Variants in CTNND2 observed in about 807,000 individuals in gnomAD.
CTNND2 encodes catenin delta-2.
CTNND2 carries 22 observed loss-of-function variants against 144.4 expected under a neutral mutation model. The observed-to-expected ratio is 0.15, with a 90% CI of 0.11 to 0.22. CTNND2 has a LOEUF of 0.22. CTNND2 is among the 10% of genes least tolerant of loss of function. The pLI is 1.00. For missense variants in CTNND2, 1,353 were observed against 1,618.8 expected (o/e 0.84, Z 2.82); for synonymous variants, 751 against 695.6 (o/e 1.08, Z -1.25).
chr5:11,595,344 A>C (rs1170141585), intron 2 of CTNND2, among the ~76,000 whole-genome samples: 2 of 152,176 alleles, frequency 1.3e-5, no homozygotes, highest in Non-Finnish European at 2.9e-5. Context: ...CAGACTCAAA[A>C]ATAGAACCAT....
intron 15 of CTNND2, among the ~76,000 whole-genome samples, chr5:11,086,892 C>T (rs1411967666): frequency 2.0e-5 from 3 of 152,234 alleles, no homozygotes; most frequent in African/African-American, 7.2e-5. Context: ...AGCTTTTCCT[C>T]ATTGAAATCC....
intron 15 of CTNND2, 127 bp downstream of exon 15, chr5:11,098,448 A>T (rs1022457465): frequency 1.3e-4 from 102 of 809,284 alleles, no homozygotes; most frequent in Admixed American, 1.2e-4. Context: ...GTTCAATATA[A>T]TTTTTTTTTC....
chr5:11,514,360 C>T (rs1561499357), intron 3 of CTNND2, among the ~76,000 whole-genome samples: 1 of 152,104 alleles, frequency 6.6e-6, no homozygotes, highest in South Asian at 2.1e-4. Context: ...TAATGTTCTA[C>T]AAATATTTGC....
At chr5:11,453,443 C>A (rs1466849442) in intron 3 of CTNND2, among the ~76,000 whole-genome samples, 3 of 152,176 alleles carry the variant, frequency 2.0e-5, no homozygotes, top group Admixed American at 2.0e-4. Context: ...GTTATTGAGA[C>A]CTACTCAAAA....
intron 2 of CTNND2, among the ~76,000 whole-genome samples, chr5:11,619,350 T>C (rs145549898): frequency 0.011 from 1,702 of 152,232 alleles, 13 homozygotes; most frequent in East Asian, 0.027. Flanking sequence ...AGAGGTTGCA[T>C]TGAGCTGAGA....
chr5:11,770,919 C>T (rs1391431723), intron 1 of CTNND2, among the ~76,000 whole-genome samples: 1 of 152,100 alleles, frequency 6.6e-6, no homozygotes, highest in African/African-American at 2.4e-5. Flanking sequence ...GGACTAGTTT[C>T]AGTTGCTTTC....
rs118038281 is a variant in CTNND2, at chr5:11,448,654, C to T, written c.288-36585G>A. Among the ~76,000 whole-genome samples the T allele has an allele frequency of 1.2e-3, 179 of 152,184 alleles. 3 individuals are homozygous for T. The East Asian group carries it at 0.025, about 22-fold the overall frequency. On this transcript the variant is annotated intron_variant, in intron 3 of 21. Transcript: ENST00000304623. ...AAGGTATTGAAAATGTTTGTGTTTACATTATTCTCTTGCCTGAAACATATA... is the reference window on the plus strand; with the variant it reads ...AAGGTATTGAAAATGTTTGTGTTTATATTATTCTCTTGCCTGAAACATATA...
Position 11,473,107 on chromosome 5 carries a change from CCAAATATTCTGT to C in CTNND2, c.288-61050_288-61039del, listed in dbSNP as rs1354045081. Among the ~76,000 whole-genome samples the C allele has an allele frequency of 1.6e-4, 25 of 152,166 alleles. No individual in the cohort carries two copies. In the East Asian group the frequency reaches 4.6e-3, roughly 28 times the overall value. ...AAGAAAGAAAAAATTAGTGACAGGT[CCAAATATTCTGT>C]AGAAAATACAAATCGGATTGGCAGT... is the stretch of plus-strand genomic sequence containing the variant. On this transcript the variant is annotated intron_variant, in intron 3 of 21. Transcript: ENST00000304623.
intron 2 of CTNND2, among the ~76,000 whole-genome samples, chr5:11,630,754 C>A (rs1051724684): frequency 2.0e-5 from 3 of 151,978 alleles, no homozygotes; most frequent in Non-Finnish European, 4.4e-5. Context: ...GAGTTTGAGA[C>A]CAGCCTGGTC....
At chr5:11,509,746 G>A (rs181435377) in intron 3 of CTNND2, among the ~76,000 whole-genome samples, 2 of 152,096 alleles carry the variant, frequency 1.3e-5, no homozygotes, top group African/African-American at 4.8e-5. Flanking sequence ...CTTCTCTTTC[G>A]GCAGAAATGT....
intron 3 of CTNND2, among the ~76,000 whole-genome samples, chr5:11,469,878 C>T (rs970876915): frequency 3.9e-5 from 6 of 152,126 alleles, no homozygotes; most frequent in Admixed American, 6.5e-5. Flanking sequence ...TTGCACCTTG[C>T]TTCCTGCCTC....
chr5:11,082,915 C>T lies in CTNND2; in HGVS notation c.2638-69G>A, dbSNP rs61757065. 2.6e-4 allele frequency: 407 copies of T among 1,545,742 alleles called. 1 individual carries two copies. The African/African-American group carries it at 2.9e-3, about 11-fold the overall frequency. On this transcript the variant is annotated intron_variant, in intron 15 of 21. Coordinates refer to ENST00000304623, the MANE Select transcript of CTNND2 (RefSeq NM_001332.4). Reference sequence around the variant, plus strand: ...ACCCTGCATGCAAATAGTACATTTGCGTTTTCAGGCGGCTGCTTACAGGAG... The same window carrying T: ...ACCCTGCATGCAAATAGTACATTTGTGTTTTCAGGCGGCTGCTTACAGGAG...
At chr5:11,876,919 GACAGTTAAGACCTT>G (rs1434634126) in intron 1 of CTNND2, among the ~76,000 whole-genome samples, 2 of 152,156 alleles carry the variant, frequency 1.3e-5, no homozygotes, top group Admixed American at 6.5e-5. Flanking sequence ...TGTTAATTAT[GACAGTTAAGACCTT>G]AGAGTCCCTT....
intron 16 of CTNND2, among the ~76,000 whole-genome samples, chr5:11,025,361 G>A (rs1742715099): frequency 1.3e-5 from 2 of 152,028 alleles, no homozygotes; most frequent in South Asian, 4.1e-4. Context: ...AATTTGGGTA[G>A]CAAAAAAAGA....
intron 3 of CTNND2, among the ~76,000 whole-genome samples, chr5:11,513,508 C>G (rs937463799): frequency 1.3e-5 from 2 of 152,198 alleles, no homozygotes; most frequent in Admixed American, 6.5e-5. Flanking sequence ...CACCTACTTT[C>G]ACTCAATTTT....
intron 3 of CTNND2, among the ~76,000 whole-genome samples, chr5:11,510,596 A>T (rs1771541010): frequency 6.6e-6 from 1 of 152,342 alleles, no homozygotes; most frequent in Non-Finnish European, 1.5e-5. Flanking sequence ...TACATAAGAA[A>T]CATAATTCAA....
chr5:11,089,679 A>G (rs1173824142), intron 15 of CTNND2, among the ~76,000 whole-genome samples: 1 of 152,244 alleles, frequency 6.6e-6, no homozygotes, highest in Non-Finnish European at 1.5e-5. Flanking sequence ...GGGCCAAAAA[A>G]TTCTAACCAC....
chr5:11,562,208 A>G (rs1776737764), intron 3 of CTNND2, among the ~76,000 whole-genome samples: 1 of 152,174 alleles, frequency 6.6e-6, no homozygotes, highest in Admixed American at 6.5e-5. Context: ...TCTCCTAAGA[A>G]ACTCTTTTAC....
intron 2 of CTNND2, among the ~76,000 whole-genome samples, chr5:11,640,184 A>G (rs1416883785): frequency 6.6e-6 from 1 of 152,232 alleles, no homozygotes; most frequent in Non-Finnish European, 1.5e-5. Context: ...ATGTAATAGA[A>G]AAACTCTGTT....
Sources: allele counts gnomAD v4.1 joint callset (sites outside exome capture counted in the v4.1 genomes callset), GRCh38; gene constraint gnomAD v4.1.1; transcripts MANE v1.5; gene names NCBI Gene and HGNC (gene_info 2026-07-23, HGNC 2026-07-21).